The following TXNRD1 variants were observed in gnomAD, a reference collection of about 807,000 sequenced individuals.
The protein encoded by TXNRD1 is thioredoxin reductase 1, cytoplasmic.
In TXNRD1, 57 loss-of-function variants were observed where a neutral mutation model predicts 80.3. The observed-to-expected ratio is 0.71, with a 90% CI of 0.57 to 0.89. TXNRD1 has a LOEUF of 0.89. TXNRD1 is among the 40% of genes least tolerant of loss of function. The probability of loss-of-function intolerance (pLI) is 0.00; values close to 1 mark genes in which losing one functional copy is unlikely to be tolerated. For synonymous variants in TXNRD1, 291 were observed against 285.2 expected (o/e 1.02, Z -0.20); for missense variants, 730 against 803.0 (o/e 0.91, Z 1.10).
intron 15 of TXNRD1, 137 bp downstream of exon 15, chr12:104,334,469 G>A (rs2036065853): frequency 8.7e-6 from 3 of 346,624 alleles, no homozygotes; most frequent in African/African-American, 2.2e-5. Context: ...TGCAACCTCC[G>A]CCTCCCGGGT....
chr12:104,307,394 T>C (rs1190976021), intron 4 of TXNRD1, among the ~76,000 whole-genome samples: 1 of 152,224 alleles, frequency 6.6e-6, no homozygotes, highest in Non-Finnish European at 1.5e-5. Context: ...CCAGCACTTC[T>C]TGACTTAGTT....
At chr12:104,299,820 G>T (rs1013095999) in intron 4 of TXNRD1, among the ~76,000 whole-genome samples, 1 of 151,286 alleles carries the variant, frequency 6.6e-6, no homozygotes, top group African/African-American at 2.4e-5. Flanking sequence ...CTAATGTCCT[G>T]CTAATTCTGG....
intron 15 of TXNRD1, among the ~76,000 whole-genome samples, chr12:104,337,777 T>C (rs1287713114): frequency 6.6e-6 from 1 of 151,858 alleles, no homozygotes; most frequent in Non-Finnish European, 1.5e-5. Context: ...AAATTACTTT[T>C]AAAATTTTAT....
chr12:104,318,230 TAAA>T (rs34445383), intron 7 of TXNRD1, among the ~76,000 whole-genome samples: 3 of 152,170 alleles, frequency 2.0e-5, no homozygotes, highest in African/African-American at 4.8e-5. Context: ...TCAAAAAGAA[TAAA>T]AAAGTTTTCT....
At position 104,325,302 on chromosome 12, in the gene TXNRD1, CTTTATTT is replaced by C. The variant is rs755750139; in HGVS notation, c.1216-34_1216-28del. 6.6e-6 allele frequency: 10 copies of C among 1,518,952 alleles called. No individual in the cohort carries two copies. In the African/African-American group the frequency reaches 1.4e-4, roughly 21 times the overall value. The allele number at this position is 1,518,952 out of a possible 1,614,324, so 94.1% of individuals were successfully genotyped here. A position where few individuals can be genotyped will look rare whatever the true frequency, so the allele number is the denominator to read the frequency against. The stretch of plus-strand genomic sequence containing the variant: ...GTAGAGAATCCAACTTGATAAATGT[CTTTATTT>C]CACAGTAAAACTTTATCACTCTTAC... On this transcript the variant is annotated intron_variant, in intron 10 of 16. Coordinates refer to ENST00000525566, the MANE Select transcript of TXNRD1 (RefSeq NM_001093771.3).
intron 3 of TXNRD1, among the ~76,000 whole-genome samples, chr12:104,267,708 TCTTTCTTTCTTTC>T (rs779026492): frequency 0.15 from 11,152 of 76,286 alleles, 778 homozygotes; most frequent in East Asian, 0.31. Flanking sequence ...TTTCTCTCTT[TCTTTCTTTCTTTC>T]TCTTTCTTTC....
intron 4 of TXNRD1, among the ~76,000 whole-genome samples, chr12:104,309,100 G>A (rs2035037930): frequency 6.6e-6 from 1 of 151,924 alleles, no homozygotes; most frequent in African/African-American, 2.4e-5. Context: ...GGGTTTCACC[G>A]TGTTGCCCAG....
At chr12:104,303,825 T>G (rs1174590031) in intron 4 of TXNRD1, 1 of 1,421,922 alleles carries the variant, frequency 7.0e-7, no homozygotes, top group Admixed American at 2.8e-5. Context: ...GCCGGCATGT[T>G]GGTTGAAAAA....
rs554789073 is a variant in TXNRD1 at position 104,327,511 on chromosome 12, G to A, written c.1386-4G>A. ...TGATGATTTTTAACTGAATAAAATT[G>A]CAGGACTGGAAAAATACCTGTCACA... On this transcript the variant is annotated splice_region_variant and splice_polypyrimidine_tract_variant and intron_variant, in intron 12 of 16. Transcript: ENST00000525566. 3.1e-6 allele frequency: 5 copies of A among 1,607,282 alleles called. No homozygotes were observed. Among genetic ancestry groups the A allele is most frequent in the Admixed American group, 3.4e-5 (2 of 59,484 alleles).
intron 13 of TXNRD1, 60 bp downstream of exon 13, chr12:104,327,731 T>C (rs545820410): frequency 6.5e-7 from 1 of 1,547,028 alleles, no homozygotes; most frequent in East Asian, 2.3e-5. Context: ...CAGTTCCTTA[T>C]TTAGGGGGCA....
chr12:104,301,170 A>G (rs548873172), intron 4 of TXNRD1, among the ~76,000 whole-genome samples: 1 of 152,306 alleles, frequency 6.6e-6, no homozygotes, highest in East Asian at 1.9e-4. Context: ...CTTTATAAGC[A>G]GGTTGGGAGA....
At chr12:104,307,761 T>A (rs1292537850) in intron 4 of TXNRD1, among the ~76,000 whole-genome samples, 1 of 152,146 alleles carries the variant, frequency 6.6e-6, no homozygotes, top group Non-Finnish European at 1.5e-5. Flanking sequence ...GTGCCCTTTT[T>A]GGGGGAGCCT....
In TXNRD1 at chr12:104,334,307, A is replaced by C. The variant is rs1414807427; in HGVS notation, c.1721A>C (p.Lys574Thr). ...AGAGATAACAACAAATGTTATGCAA[A>C]AATAATCTGTAATACTAAAGACAAT... ...PSRDNNKCYAKIICNTKDNER... is the reference protein window; with the variant it reads ...PSRDNNKCYATIICNTKDNER... Residue 574 changes from lysine (K) to threonine (T), a missense_variant, in exon 15 of 17, where the codon AAA (lysine) becomes ACA (threonine). Lys to Thr is a moderately conservative substitution (Grantham distance 78, BLOSUM62 -1). Transcript: ENST00000525566. 2 of 1,525,322 alleles carry C rather than the reference A, an allele frequency of 1.3e-6. No individual in the cohort carries two copies. The highest frequency in any genetic ancestry group is 1.8e-6 in the Non-Finnish European group (2 of 1,131,270). The allele number at this position is 1,525,322 out of a possible 1,614,324, so 94.5% of individuals were successfully genotyped here.
At chr12:104,323,378 G>T (rs1012840620) in intron 10 of TXNRD1, among the ~76,000 whole-genome samples, 2 of 149,372 alleles carry the variant, frequency 1.3e-5, no homozygotes, top group African/African-American at 2.5e-5. Flanking sequence ...CAGTAGGGGC[G>T]GCCGGGGCGG....
In TXNRD1 at chr12:104,325,387, G is replaced by A; in HGVS notation, c.1266G>A (p.Gln422=). The A allele has an allele frequency of 6.2e-7, 1 of 1,613,522 alleles. No individual in the cohort carries two copies. Among genetic ancestry groups the A allele is most frequent in the Non-Finnish European group, 8.5e-7 (1 of 1,179,692 alleles). Residue 422 remains glutamine (Q), a synonymous_variant, in exon 11 of 17, where the codon CAG becomes CAA. Transcript: ENST00000525566. The part of the protein sequence containing the change: ...GTPGRLRVVA[Q]STNSEEIIEG... ...CAGGCCGACTCAGAGTAGTAGCTCA[G>A]TCCACCAATAGTGAGGAAATCATTG...
At chr12:104,319,699 A>G in intron 9 of TXNRD1, 114 bp downstream of exon 9, 1 of 765,114 alleles carries the variant, frequency 1.3e-6, no homozygotes, top group Non-Finnish European at 2.2e-6. Flanking sequence ...TCTTTGCCAC[A>G]TTGTGCCCTC....
intron 10 of TXNRD1, 85 bp from the exon 11 acceptor site, chr12:104,325,252 T>G (rs1350090223): frequency 8.0e-6 from 8 of 1,002,032 alleles, no homozygotes; most frequent in Non-Finnish European, 1.1e-5. Context: ...ATTTTAACTT[T>G]GGGTTAACCA....
chr12:104,333,108 A>G (rs1010328030), intron 14 of TXNRD1, among the ~76,000 whole-genome samples: 15 of 152,032 alleles, frequency 9.9e-5, no homozygotes, highest in East Asian at 1.9e-4. Context: ...AAGGGGTGCT[A>G]TACTGTAATT....
intron 2 of TXNRD1, among the ~76,000 whole-genome samples, chr12:104,253,686 T>G (rs1023046458): frequency 4.6e-5 from 7 of 152,004 alleles, no homozygotes; most frequent in Non-Finnish European, 1.0e-4. Flanking sequence ...TAGTTGCTTA[T>G]TGAGGGTTTT....
Sources: allele counts gnomAD v4.1 joint callset (sites outside exome capture counted in the v4.1 genomes callset), GRCh38; gene constraint gnomAD v4.1.1; transcripts MANE v1.5; gene names NCBI Gene and HGNC (gene_info 2026-07-23, HGNC 2026-07-21).